GAB1: variants seen among roughly 807,000 people sequenced by gnomAD.
GAB1 encodes GRB2-associated-binding protein 1.
A neutral mutation model predicts 66.5 loss-of-function variants in GAB1; 19 were observed. The observed-to-expected ratio is 0.29, with a 90% CI of 0.20 to 0.42. GAB1 has a LOEUF of 0.42. Among genes scored for constraint, GAB1 ranks in the 10% least tolerant of loss-of-function variants. The pLI is 1.00. For synonymous variants in GAB1, 294 were observed against 301.4 expected (o/e 0.98, Z 0.25); for missense variants, 732 against 858.5 (o/e 0.85, Z 1.84).
chr4:143,357,681 G>C (rs994739351), intron 1 of GAB1, among the ~76,000 whole-genome samples: 1 of 152,056 alleles, frequency 6.6e-6, no homozygotes, highest in Non-Finnish European at 1.5e-5. Flanking sequence ...CATAGTTTGG[G>C]CCAATTTGCA....
chr4:143,337,240 G>T lies in GAB1; in HGVS notation c.52G>T (p.Glu18Ter). The T allele has an allele frequency of 1.3e-6, 2 of 1,583,218 alleles. No homozygotes were observed. The highest frequency in any genetic ancestry group is 8.6e-7 in the Non-Finnish European group (1 of 1,164,276). The change falls in exon 1 of 10, where the codon GAG becomes TAG. Residue 18 changes from glutamate to a stop codon, truncating the protein, a stop_gained. Transcript: ENST00000262994. LOFTEE classifies it high-confidence loss of function. ...CGGATGGCTCCGCAAGTCCCCCCCGGAGAAAAAGTTGAAGCGTTATGTAAG... is the reference window on the plus strand; with the variant it reads ...CGGATGGCTCCGCAAGTCCCCCCCGTAGAAAAAGTTGAAGCGTTATGTAAG... ...CSGWLRKSPP[E>*]KKLKRYAWKR...
intron 1 of GAB1, among the ~76,000 whole-genome samples, chr4:143,371,319 A>G (rs1220681648): frequency 6.6e-6 from 1 of 151,956 alleles, no homozygotes. Flanking sequence ...GCATTTTTTC[A>G]TGTGTCTGTT....
chr4:143,436,332 C>A (rs1022470006), intron 3 of GAB1, among the ~76,000 whole-genome samples: 1 of 152,152 alleles, frequency 6.6e-6, no homozygotes, highest in African/African-American at 2.4e-5. Flanking sequence ...TTATTAGTAA[C>A]CTCAATGTCA....
At chr4:143,458,664 T>C (rs545433689) in intron 6 of GAB1, among the ~76,000 whole-genome samples, 19 of 152,182 alleles carry the variant, frequency 1.2e-4, no homozygotes, top group African/African-American at 4.3e-4. Context: ...TACTGCAATA[T>C]GAGGTAAATA....
intron 6 of GAB1, among the ~76,000 whole-genome samples, chr4:143,455,272 T>C (rs940212502): frequency 6.6e-6 from 1 of 152,064 alleles, no homozygotes; most frequent in East Asian, 1.9e-4. Flanking sequence ...AGGTGGAAAA[T>C]GGCATTGGTT....
chr4:143,456,471 A>G (rs1379725171), intron 6 of GAB1, among the ~76,000 whole-genome samples: 1 of 151,096 alleles, frequency 6.6e-6, no homozygotes. Context: ...AAAAAAAAAA[A>G]GTTGTCATCT....
intron 3 of GAB1, among the ~76,000 whole-genome samples, chr4:143,435,928 A>G (rs1281469227): frequency 6.6e-6 from 1 of 152,190 alleles, no homozygotes; most frequent in African/African-American, 2.4e-5. Flanking sequence ...TTATGCCTTC[A>G]TATCTTGTTT....
At chr4:143,344,219 G>C (rs891418197) in intron 1 of GAB1, among the ~76,000 whole-genome samples, 1 of 152,142 alleles carries the variant, frequency 6.6e-6, no homozygotes, top group South Asian at 2.1e-4. Flanking sequence ...GTCTTATTTC[G>C]GACTTTGGAA....
rs1427673233 is a variant in GAB1, at chr4:143,472,074, C to T, written c.*2885C>T. The T allele has an allele frequency of 1.3e-5, 2 of 152,144 alleles. No individual in the cohort carries two copies. The highest frequency in any genetic ancestry group is 2.9e-5 in the Non-Finnish European group (2 of 68,006). The allele number at this position is 152,144 out of a possible 1,614,324, so 9.4% of individuals were successfully genotyped here. A position where few individuals can be genotyped will look rare whatever the true frequency, so the allele number is the denominator to read the frequency against. On this transcript the variant is annotated 3_prime_UTR_variant, in exon 10 of 10. Transcript: ENST00000262994. ...GTAAGATTTTATGAAGGTTTGAATA[C>T]TGAAGCACAGTTCTGCTTTCAAAAA...
chr4:143,378,793 C>T (rs149322049), intron 1 of GAB1, among the ~76,000 whole-genome samples: 54 of 152,248 alleles, frequency 3.5e-4, no homozygotes, highest in African/African-American at 1.1e-3. Context: ...CTCTCTCTGA[C>T]CTTGTGCCTC....
chr4:143,344,968 A>G (rs1290643436), intron 1 of GAB1, among the ~76,000 whole-genome samples: 1 of 152,216 alleles, frequency 6.6e-6, no homozygotes, highest in African/African-American at 2.4e-5. Flanking sequence ...TCTCTGTTAC[A>G]TTAGCTCTTG....
chr4:143,376,677 A>G (rs1471116416), intron 1 of GAB1: 1 of 152,068 alleles, frequency 6.6e-6, no homozygotes, highest in Non-Finnish European at 1.5e-5. Context: ...CTTACTAAGA[A>G]ATCTCACATA....
At chr4:143,375,222 A>G (rs1406346244) in intron 1 of GAB1, among the ~76,000 whole-genome samples, 1 of 152,254 alleles carries the variant, frequency 6.6e-6, no homozygotes, top group Non-Finnish European at 1.5e-5. Context: ...TGCTGGGATT[A>G]CAGGCATCAG....
chr4:143,388,744 A>G (rs964003791), intron 1 of GAB1, among the ~76,000 whole-genome samples: 1 of 152,198 alleles, frequency 6.6e-6, no homozygotes, highest in Non-Finnish European at 1.5e-5. Flanking sequence ...TTGAAAATAA[A>G]TGCCACTTAA....
chr4:143,374,638 G>T (rs1371066542), intron 1 of GAB1, among the ~76,000 whole-genome samples: 1 of 152,116 alleles, frequency 6.6e-6, no homozygotes, highest in Non-Finnish European at 1.5e-5. Context: ...GCTATCACAG[G>T]GTTCACATGG....
At chr4:143,454,867 G>A (rs1473742226) in intron 6 of GAB1, among the ~76,000 whole-genome samples, 1 of 151,968 alleles carries the variant, frequency 6.6e-6, no homozygotes, top group Non-Finnish European at 1.5e-5. Context: ...AGCTAGAGAA[G>A]ACTAAAGCAA....
At chr4:143,337,357 G>A (rs891188460) in intron 1 of GAB1, 97 bp downstream of exon 1, 10 of 1,011,938 alleles carry the variant, frequency 9.9e-6, no homozygotes, top group Non-Finnish European at 1.5e-5. Flanking sequence ...CGCGGGGCTG[G>A]TTCTTAAACG....
chr4:143,361,883 T>G (rs985928954), intron 1 of GAB1, among the ~76,000 whole-genome samples: 2 of 151,920 alleles, frequency 1.3e-5, no homozygotes, highest in Non-Finnish European at 2.9e-5. Context: ...AGCAGTTACT[T>G]GGAGTTTTCA....
At chr4:143,372,092 A>G (rs924371787) in intron 1 of GAB1, among the ~76,000 whole-genome samples, 1 of 152,144 alleles carries the variant, frequency 6.6e-6, no homozygotes, top group Non-Finnish European at 1.5e-5. Context: ...TTGGAGCCCC[A>G]GGTGGGTGGA....
Sources: gnomAD v4.1 joint callset for allele counts (sites outside exome capture counted in the v4.1 genomes callset) on GRCh38, gnomAD v4.1.1 for gene constraint, MANE v1.5 for transcripts, NCBI Gene and HGNC (gene_info 2026-07-23, HGNC 2026-07-21) for gene names.